The following XPR1 variants were observed in gnomAD, a reference collection of about 807,000 sequenced individuals.
XPR1 encodes the protein solute carrier family 53 member 1.
A neutral mutation model predicts 87.5 loss-of-function variants in XPR1; 28 were observed. That is an observed-to-expected ratio of 0.32 (90% CI 0.24 to 0.44). The LOEUF (loss-of-function observed/expected upper bound fraction) is 0.44, where lower values mean the gene tolerates loss of function less well. Ranked by LOEUF, XPR1 falls within the 20% of genes least tolerant of loss-of-function variation. XPR1 has a pLI of 1.00. For missense variants in XPR1, 559 were observed against 862.3 expected (o/e 0.65, Z 4.41); for synonymous variants, 300 against 306.1 (o/e 0.98, Z 0.21).
At chr1:180,827,505 G>C (rs183338225) in intron 9 of XPR1, among the ~76,000 whole-genome samples, 1 of 152,234 alleles carries the variant, frequency 6.6e-6, no homozygotes, top group East Asian at 1.9e-4. Context: ...ATATTTATTT[G>C]TGCATCTGCT....
intron 7 of XPR1, among the ~76,000 whole-genome samples, chr1:180,818,898 C>T (rs1650511539): frequency 6.6e-6 from 1 of 152,118 alleles, no homozygotes; most frequent in Non-Finnish European, 1.5e-5. Context: ...AGTTTTGGAT[C>T]TTTGATGAAT....
Position 180,811,445 on chromosome 1 carries a change from T to C in XPR1, c.720T>C (p.Phe240=). The C allele has an allele frequency of 6.2e-7, 1 of 1,613,584 alleles. No homozygotes were observed. Among genetic ancestry groups the C allele is most frequent in the East Asian group, 2.2e-5 (1 of 44,804 alleles). The change falls in exon 7 of 15, where the codon TTT becomes TTC. Residue 240 remains phenylalanine (F), a synonymous_variant. Transcript: ENST00000367590. ...PAWTTFRVGL[F]CGIFIVLNIT... The stretch of plus-strand genomic sequence containing the variant: ...GGACTACTTTTAGAGTTGGCCTATT[T>C]TGTGGAATATTCATTGTACTGAATA...
intron 7 of XPR1, among the ~76,000 whole-genome samples, chr1:180,822,473 C>T (rs1448047341): frequency 6.6e-6 from 1 of 152,120 alleles, no homozygotes; most frequent in Non-Finnish European, 1.5e-5. Context: ...TGTAGTTTTC[C>T]TTCAAACCCC....
At chr1:180,780,861 G>A (rs1014927936) in intron 2 of XPR1, among the ~76,000 whole-genome samples, 2 of 151,298 alleles carry the variant, frequency 1.3e-5, no homozygotes, top group Non-Finnish European at 2.9e-5. Flanking sequence ...GTTTGCAAAT[G>A]TTTTCTCCCA....
intron 6 of XPR1, among the ~76,000 whole-genome samples, chr1:180,807,624 T>G (rs1650049422): frequency 6.6e-6 from 1 of 152,226 alleles, no homozygotes; most frequent in African/African-American, 2.4e-5. Context: ...GATACGTTGT[T>G]TCTTCCTGAG....
chr1:180,681,507 G>A (rs1161308423), intron 1 of XPR1, among the ~76,000 whole-genome samples: 7 of 152,270 alleles, frequency 4.6e-5, no homozygotes, highest in East Asian at 1.9e-4. Flanking sequence ...TTAGCCGAGC[G>A]TGGTGGCGGG....
At chr1:180,715,698 TAG>T (rs1657967984) in intron 2 of XPR1, among the ~76,000 whole-genome samples, 1 of 152,054 alleles carries the variant, frequency 6.6e-6, no homozygotes, top group South Asian at 2.1e-4. Context: ...TTTTTTGAGA[TAG>T]AGTTTCACTC....
intron 2 of XPR1, among the ~76,000 whole-genome samples, chr1:180,760,037 G>C (rs1350847044): frequency 6.6e-6 from 1 of 152,154 alleles, no homozygotes; most frequent in Non-Finnish European, 1.5e-5. Flanking sequence ...AATAGATGCA[G>C]AAAAGGCCTT....
At chr1:180,875,006 G>A (rs1483437917) in intron 13 of XPR1, among the ~76,000 whole-genome samples, 1 of 152,134 alleles carries the variant, frequency 6.6e-6, no homozygotes, top group East Asian at 1.9e-4. Flanking sequence ...AATGACATAC[G>A]TAGAGAACTG....
intron 1 of XPR1, among the ~76,000 whole-genome samples, chr1:180,674,868 C>T (rs148008559): frequency 1.3e-5 from 2 of 152,212 alleles, no homozygotes; most frequent in East Asian, 3.9e-4. Context: ...CTAAAAAGAA[C>T]ATGTATATTG....
At chr1:180,829,956 T>G (rs1650997620) in intron 9 of XPR1, among the ~76,000 whole-genome samples, 1 of 152,040 alleles carries the variant, frequency 6.6e-6, no homozygotes, top group African/African-American at 2.4e-5. Context: ...GTTTTGAGGA[T>G]GGGGTTGGCA....
intron 12 of XPR1, among the ~76,000 whole-genome samples, chr1:180,866,595 G>C (rs968799749): frequency 6.6e-6 from 1 of 152,168 alleles, no homozygotes; most frequent in Non-Finnish European, 1.5e-5. Context: ...CAGTTCTTCA[G>C]TTAAGCCTAA....
At chr1:180,641,397 G>T (rs893515632) in intron 1 of XPR1, among the ~76,000 whole-genome samples, 3 of 152,130 alleles carry the variant, frequency 2.0e-5, no homozygotes, top group Non-Finnish European at 4.4e-5. Flanking sequence ...GGTTTGTCCA[G>T]TTTAGGTTTT....
intron 11 of XPR1, among the ~76,000 whole-genome samples, chr1:180,849,540 A>C (rs1364901493): frequency 6.6e-6 from 1 of 152,226 alleles, no homozygotes; most frequent in Non-Finnish European, 1.5e-5. Context: ...TGATTCACTG[A>C]GGACACATTA....
Position 180,884,009 on chromosome 1 carries a change from C to G in XPR1, c.2034C>G (p.Ser678=). ...SLRRPRLASQ[S]KARDTKVLIE... ...TTGTCCCCCTTGTTACCACTAGATC[C>G]AAGGCTCGTGACACTAAGGTATTGA... The change falls in exon 15 of 15, where the codon TCC becomes TCG. Residue 678 remains serine, a synonymous_variant. Coordinates refer to ENST00000367590, the MANE Select transcript of XPR1 (RefSeq NM_004736.4). 1 of 1,613,874 alleles carries G rather than the reference C, an allele frequency of 6.2e-7. No individual in the cohort carries two copies. Among genetic ancestry groups the G allele is most frequent in the Non-Finnish European group, 8.5e-7 (1 of 1,179,942 alleles).
chr1:180,747,002 T>A (rs1413444285), intron 2 of XPR1, among the ~76,000 whole-genome samples: 4 of 152,198 alleles, frequency 2.6e-5, no homozygotes, highest in Non-Finnish European at 5.9e-5. Flanking sequence ...ATATTTCAAA[T>A]TGAAATTTAA....
intron 14 of XPR1, among the ~76,000 whole-genome samples, chr1:180,881,703 A>G (rs919228513): frequency 7.2e-5 from 11 of 152,196 alleles, no homozygotes; most frequent in Admixed American, 2.0e-4. Context: ...AGGAGGTAGT[A>G]TCAGTAACTC....
chr1:180,822,360 T>C (rs1650666502), intron 7 of XPR1, among the ~76,000 whole-genome samples: 1 of 152,220 alleles, frequency 6.6e-6, no homozygotes, highest in Admixed American at 6.5e-5. Flanking sequence ...CAATGCTTTG[T>C]TCTCTATTTC....
chr1:180,743,846 C>A (rs746908897), intron 2 of XPR1, among the ~76,000 whole-genome samples: 1 of 152,122 alleles, frequency 6.6e-6, no homozygotes, highest in African/African-American at 2.4e-5. Flanking sequence ...ATGAAAATTT[C>A]ACAGTTGTTA....
Sources: gnomAD v4.1 joint callset for allele counts (sites outside exome capture counted in the v4.1 genomes callset) on GRCh38, gnomAD v4.1.1 for gene constraint, MANE v1.5 for transcripts, NCBI Gene and HGNC (gene_info 2026-07-23, HGNC 2026-07-21) for gene names.